Variants in NOP56 observed in about 807,000 individuals in gnomAD.
NOP56 encodes the protein NOP56 ribonucleoprotein, also known as nucleolar protein 56.
In NOP56, 31 loss-of-function variants were observed where a neutral mutation model predicts 58.3. The observed-to-expected ratio is 0.53, with a 90% confidence interval of 0.40 to 0.72. The LOEUF (loss-of-function observed/expected upper bound fraction) is 0.72. NOP56 is among the 30% of genes least tolerant of loss of function. The probability of loss-of-function intolerance (pLI) is 0.00; values close to 1 mark genes in which losing one functional copy is unlikely to be tolerated. For synonymous variants in NOP56, 313 were observed against 282.8 expected, an observed-to-expected ratio of 1.11 and a Z score of -1.07; for missense variants, 669 against 739.9, an observed-to-expected ratio of 0.90 and a Z score of 1.11.
chr20:2,656,643 T>C (rs747492514), intron 9 of NOP56, 94 bp downstream of exon 9: 1 of 1,607,448 alleles, frequency 6.2e-7, no homozygotes, highest in South Asian at 1.1e-5. Context: ...TGGCAATATT[T>C]TTCGTCAACA....
At chr20:2,652,750 T>C (rs1197907695) in intron 1 of NOP56, 87 bp downstream of exon 1, 17 of 1,531,264 alleles carry the variant, frequency 1.1e-5, no homozygotes, top group Middle Eastern at 2.2e-4. Context: ...GGCCTGGGCC[T>C]GGGCCTGCGC....
intron 6 of NOP56, 36 bp from the exon 7 acceptor site, chr20:2,655,559 A>G: frequency 6.2e-7 from 1 of 1,614,180 alleles, no homozygotes; most frequent in Non-Finnish European, 8.5e-7. Context: ...GGCTCTAAAT[A>G]GCTGGCCTCT....
At position 2,655,975 on chromosome 20, in the gene NOP56, C is replaced by T. The variant is rs2086811446; in HGVS notation, c.951C>T (p.Asn317=). 1 of 1,614,212 alleles carries T rather than the reference C, an allele frequency of 6.2e-7. No homozygotes were observed. Among genetic ancestry groups the T allele is most frequent in the South Asian group, 1.1e-5 (1 of 91,088 alleles). ...TCGCACATGCTGGCAGCCTCACCAACCTGGCCAAGTATCCAGCATCCACAG... is the reference window on the plus strand; with the variant it reads ...TCGCACATGCTGGCAGCCTCACCAATCTGGCCAAGTATCCAGCATCCACAG... ...RLIAHAGSLT[N]LAKYPASTVQ... is the part of the protein sequence containing the mutation. Residue 317 remains asparagine, a synonymous_variant, in exon 8 of 12, where the codon AAC becomes AAT. Transcript: ENST00000329276.
Position 2,654,816 on chromosome 20 carries a change from G to C in NOP56, c.438G>C (p.Leu146=). Residue 146 remains leucine, a synonymous_variant, in exon 5 of 12, where the codon CTG becomes CTC. Transcript: ENST00000329276. ...LTDLSACKAQ[L]GLGHSYSRAK... The stretch of plus-strand genomic sequence containing the variant: ...ATCTGTCAGCTTGTAAAGCACAGCT[G>C]GGGCTGGGACACAGCTATTCCCGTG... 6.2e-7 allele frequency: 1 copy of C among 1,614,204 alleles called. No individual in the cohort carries two copies.
rs1438237825 is a variant in NOP56 at position 2,655,655 on chromosome 20, C to G, written c.818C>G (p.Ser273Cys). 1.2e-6 allele frequency: 2 copies of G among 1,614,030 alleles called. No individual in the cohort carries two copies. Among genetic ancestry groups the G allele is most frequent in the Non-Finnish European group, 1.7e-6 (2 of 1,180,026 alleles). The change falls in exon 7 of 12, where the codon TCT (serine) becomes TGT (cysteine). Residue 273 changes from serine (S) to cysteine (C), a missense_variant. Coordinates refer to ENST00000329276, the MANE Select transcript of NOP56 (RefSeq NM_006392.4). The part of the protein sequence containing the change: ...NIESFSSRVV[S>C]LSEYRQSLHT... ...GAGAGCTTCTCCAGTCGTGTGGTGTCTTTATCTGAATACCGCCAGAGCCTA... is the reference window on the plus strand; with the variant it reads ...GAGAGCTTCTCCAGTCGTGTGGTGTGTTTATCTGAATACCGCCAGAGCCTA...
intron 3 of NOP56, among the ~76,000 whole-genome samples, chr20:2,653,986 A>G (rs1441607379): frequency 6.6e-6 from 1 of 152,116 alleles, no homozygotes; most frequent in African/African-American, 2.4e-5. Context: ...GGGTCGGCTT[A>G]ACACCTACTT....
rs370472060 is a variant in NOP56 at position 2,657,252 on chromosome 20, A to G, written c.1419+34A>G. 1.5e-5 allele frequency: 24 copies of G among 1,613,610 alleles called. No individual in the cohort carries two copies. In the African/African-American group the frequency reaches 1.7e-4, roughly 12 times the overall value. On this transcript the variant is annotated intron_variant, in intron 11 of 11. Transcript: ENST00000329276. ...GCAGCACGGCCCTGGCAGAGATCCT[A>G]GGTTGTAGGATTTTCAACAGCAGAA... is the stretch of plus-strand genomic sequence containing the variant.
At chr20:2,652,686 G>C (rs747157189) in intron 1 of NOP56, 23 bp downstream of exon 1, 4 of 1,387,196 alleles carry the variant, frequency 2.9e-6, no homozygotes, top group Non-Finnish European at 3.7e-6. Flanking sequence ...TGCGGGGCGC[G>C]GGCGACGCGA....
rs6138678 is a variant in NOP56, at chr20:2,652,650, G to C, written c.-11G>C. 240,253 of 1,422,886 alleles carry C rather than the reference G, an allele frequency of 0.17. 21,462 individuals are homozygous for C. The highest frequency in any genetic ancestry group is 0.22 in the East Asian group (7,659 of 34,304). 88.1% of individuals were successfully genotyped at this position (1,422,886 alleles called of 1,614,324 possible). A position where few individuals can be genotyped will look rare whatever the true frequency, so the allele number is the denominator to read the frequency against. ...TAGCCGCATTGCGAGCCGAACCCGG[G>C]AGCTGGCGCCATGGTGAGGAGTGGT... On this transcript the variant is annotated 5_prime_UTR_variant, in exon 1 of 12. Coordinates refer to ENST00000329276, the MANE Select transcript of NOP56 (RefSeq NM_006392.4).
chr20:2,657,512 T>A, intron 11 of NOP56: 1 of 617,954 alleles, frequency 1.6e-6, no homozygotes, highest in South Asian at 1.7e-5. Flanking sequence ...CTGCTCTGCT[T>A]ATTATCAGAC....
At position 2,658,381 on chromosome 20, in the gene NOP56, CAAAT is replaced by C; in HGVS notation, c.*88_*91del. 1.2e-6 allele frequency: 2 copies of C among 1,610,392 alleles called. No homozygotes were observed. Among genetic ancestry groups the C allele is most frequent in the South Asian group, 2.2e-5 (2 of 90,170 alleles). ...CCTGTGCCGTGTTCCCCAATAAAAA[CAAAT>C]TCACAAGAGTTGGTTCATGTTCTTT... is the stretch of plus-strand genomic sequence containing the variant. On this transcript the variant is annotated 3_prime_UTR_variant, in exon 12 of 12. Coordinates refer to ENST00000329276, the MANE Select transcript of NOP56 (RefSeq NM_006392.4).
rs567898547 is a variant in NOP56, at chr20:2,658,203, A to G, written c.1694A>G (p.Glu565Gly). The G allele has an allele frequency of 1.2e-6, 2 of 1,606,974 alleles. No individual in the cohort carries two copies. The highest frequency in any genetic ancestry group is 1.7e-6 in the Non-Finnish European group (2 of 1,176,520). The stretch of plus-strand genomic sequence containing the variant: ...AAGAAAAAGAGGAAATTCTCCAAAG[A>G]GGAGCCGGTCAGCAGTGGGCCTGAA... Reference protein sequence around the residue: ...GSKKKRKFSKEEPVSSGPEEA... With the variant: ...GSKKKRKFSKGEPVSSGPEEA... The change falls in exon 12 of 12, where the codon GAG becomes GGG. Residue 565 changes from glutamate (E) to glycine (G), a missense_variant. Around this residue, in one of 3 missense-constraint regions of NOP56, gnomAD observed 209 missense variants for 196.2 expected, o/e 1.07. Transcript: ENST00000329276.
chr20:2,653,162 T>G (rs2086772645), intron 2 of NOP56, 117 bp from the exon 3 acceptor site: 1 of 884,156 alleles, frequency 1.1e-6, no homozygotes, highest in Non-Finnish European at 1.8e-6. Flanking sequence ...GAAGCTGGGA[T>G]GTGGGGCCCA....
rs899044157 is a variant in NOP56 at position 2,656,901 on chromosome 20, T to G, written c.1281+6T>G. ...TGAAGGAAGCAATGGTTCAGGTCAG[T>G]TGGGCTTTGCTGGGTGTGGAGTGGC... On this transcript the variant is annotated splice_donor_region_variant and intron_variant, in intron 10 of 11. Coordinates refer to ENST00000329276, the MANE Select transcript of NOP56 (RefSeq NM_006392.4). The G allele has an allele frequency of 3.7e-6, 6 of 1,613,922 alleles. No individual in the cohort carries two copies. The highest frequency in any genetic ancestry group is 5.1e-6 in the Non-Finnish European group (6 of 1,179,998).
intron 6 of NOP56, 34 bp downstream of exon 6, chr20:2,655,546 T>C: frequency 6.2e-7 from 1 of 1,614,166 alleles, no homozygotes; most frequent in African/African-American, 1.3e-5. Context: ...GCATAAGGTA[T>C]GGGGCTCTAA....
In NOP56 at chr20:2,653,047, C is replaced by A; in HGVS notation, c.93+116C>A. 5.2e-6 allele frequency: 5 copies of A among 960,804 alleles called. No individual in the cohort carries two copies. In the South Asian group the frequency reaches 8.3e-5, roughly 16 times the overall value. 59.5% of individuals were successfully genotyped at this position (960,804 alleles called of 1,614,324 possible). A position where few individuals can be genotyped will look rare whatever the true frequency, so the allele number is the denominator to read the frequency against. Reference sequence around the variant, plus strand: ...GAGCGGTTCGGGGCGGGGGGACGGGCCTGGAAAGCTCTAGATCCGGGGGTC... The same window carrying A: ...GAGCGGTTCGGGGCGGGGGGACGGGACTGGAAAGCTCTAGATCCGGGGGTC... On this transcript the variant is annotated intron_variant, in intron 2 of 11. Coordinates refer to ENST00000329276, the MANE Select transcript of NOP56 (RefSeq NM_006392.4).
intron 3 of NOP56, 36 bp from the exon 4 acceptor site, chr20:2,654,378 C>T (rs1314999440): frequency 1.2e-6 from 2 of 1,613,174 alleles, no homozygotes; most frequent in African/African-American, 2.7e-5. Flanking sequence ...GATCGTCCTT[C>T]AGCCTGTTAG....
intron 2 of NOP56, 81 bp downstream of exon 2, chr20:2,653,012 G>T (rs1274638244): frequency 3.8e-6 from 5 of 1,314,426 alleles, no homozygotes; most frequent in South Asian, 1.4e-5. Context: ...GCGCTCCCAC[G>T]TGGCCGGCCG....
Position 2,652,672 on chromosome 20 carries a change from T to G in NOP56, c.3+9T>G, listed in dbSNP as rs1358756646. The G allele has an allele frequency of 7.6e-6, 11 of 1,449,428 alleles. No homozygotes were observed. The highest frequency in any genetic ancestry group is 9.9e-6 in the Non-Finnish European group (11 of 1,109,312). 89.8% of individuals were successfully genotyped at this position (1,449,428 alleles called of 1,614,324 possible). Reference sequence around the variant, plus strand: ...CGGGAGCTGGCGCCATGGTGAGGAGTGGTTGCGGGGCGCGGGCGACGCGAC... The same window carrying G: ...CGGGAGCTGGCGCCATGGTGAGGAGGGGTTGCGGGGCGCGGGCGACGCGAC... On this transcript the variant is annotated intron_variant, in intron 1 of 11. Transcript: ENST00000329276.
Sources: allele counts gnomAD v4.1 joint callset (sites outside exome capture counted in the v4.1 genomes callset), GRCh38; gene constraint gnomAD v4.1.1; regional missense constraint gnomAD v4.1.1; transcripts MANE v1.5; gene names NCBI Gene and HGNC (gene_info 2026-07-23, HGNC 2026-07-21).